Variants in ADGRL3 observed in about 807,000 individuals in gnomAD.
ADGRL3 encodes the protein calcium-independent alpha-latrotoxin receptor 3.
ADGRL3 carries 62 observed loss-of-function variants against 153.5 expected under a neutral mutation model. The observed-to-expected ratio is 0.40, with a 90% CI of 0.33 to 0.50. ADGRL3 has a LOEUF of 0.50. ADGRL3 is among the 20% of genes least tolerant of loss of function. The pLI, the probability that ADGRL3 is intolerant of heterozygous loss-of-function variation, is 0.47. For missense variants in ADGRL3, 1,641 were observed against 1,859.4 expected (o/e 0.88, Z 2.16); for synonymous variants, 710 against 672.5 (o/e 1.06, Z -0.86).
At chr4:61,476,930 C>A (rs950259548) in intron 2 of ADGRL3, among the ~76,000 whole-genome samples, 46 of 151,546 alleles carry the variant, frequency 3.0e-4, no homozygotes, top group Non-Finnish European at 5.0e-4. Flanking sequence ...TATTTTATTT[C>A]TTTACTTATT....
chr4:61,541,873 A>ACG (rs1227493797), intron 4 of ADGRL3, among the ~76,000 whole-genome samples: 2 of 150,710 alleles, frequency 1.3e-5, no homozygotes, highest in African/African-American at 4.9e-5. Context: ...ACACACACAC[A>ACG]CACTAGTATT....
At chr4:61,751,648 A>T (rs1234197588) in intron 8 of ADGRL3, among the ~76,000 whole-genome samples, 1 of 152,200 alleles carries the variant, frequency 6.6e-6, no homozygotes, top group Non-Finnish European at 1.5e-5. Context: ...GAGGATTAGT[A>T]AGATTAGTTA....
chr4:61,516,396 T>C (rs2098495459), intron 3 of ADGRL3, among the ~76,000 whole-genome samples: 1 of 152,094 alleles, frequency 6.6e-6, no homozygotes, highest in South Asian at 2.1e-4. Context: ...AAAATCTTTT[T>C]CTTTGTAAAA....
chr4:61,426,373 T>A (rs1299158650), intron 2 of ADGRL3, among the ~76,000 whole-genome samples: 1 of 152,206 alleles, frequency 6.6e-6, no homozygotes. Flanking sequence ...AGTACTAGGC[T>A]GGACCGCAAC....
At chr4:61,551,396 A>C (rs1480020330) in intron 4 of ADGRL3, among the ~76,000 whole-genome samples, 1 of 152,130 alleles carries the variant, frequency 6.6e-6, no homozygotes, top group Non-Finnish European at 1.5e-5. Context: ...AAGTCATGAC[A>C]CTGTGGGTAT....
chr4:61,384,832 G>A (rs1321672453), intron 2 of ADGRL3, among the ~76,000 whole-genome samples: 3 of 151,800 alleles, frequency 2.0e-5, no homozygotes, highest in Non-Finnish European at 4.4e-5. Context: ...ACACACAAAA[G>A]GCCAAACATA....
chr4:61,465,053 C>G (rs1404031374), intron 2 of ADGRL3, among the ~76,000 whole-genome samples: 1 of 152,028 alleles, frequency 6.6e-6, no homozygotes, highest in Non-Finnish European at 1.5e-5. Flanking sequence ...CCACGGGATC[C>G]TGATGTCAGA....
At chr4:61,742,411 T>TG (rs1276590917) in intron 8 of ADGRL3, among the ~76,000 whole-genome samples, 1 of 152,058 alleles carries the variant, frequency 6.6e-6, no homozygotes, top group Non-Finnish European at 1.5e-5. Flanking sequence ...CCCGAGTAGC[T>TG]GGGACTACAG....
At chr4:61,857,264 G>GT (rs1478756110) in intron 9 of ADGRL3, among the ~76,000 whole-genome samples, 1 of 151,824 alleles carries the variant, frequency 6.6e-6, no homozygotes, top group African/African-American at 2.4e-5. Flanking sequence ...TGGGAGTAGA[G>GT]TATCTACAGG....
intron 9 of ADGRL3, among the ~76,000 whole-genome samples, chr4:61,828,194 A>G (rs1351494408): frequency 6.6e-6 from 1 of 152,146 alleles, no homozygotes; most frequent in South Asian, 2.1e-4. Context: ...CACAAATTTG[A>G]ATAATTGTAG....
chr4:61,353,835 G>T (rs1046933659), intron 1 of ADGRL3, among the ~76,000 whole-genome samples: 3 of 151,786 alleles, frequency 2.0e-5, no homozygotes, highest in Non-Finnish European at 4.4e-5. Flanking sequence ...TAGATGATGG[G>T]CATAAATATG....
intron 2 of ADGRL3, among the ~76,000 whole-genome samples, chr4:61,393,544 A>T (rs1044886849): frequency 2.9e-4 from 44 of 152,078 alleles, no homozygotes; most frequent in African/African-American, 1.1e-3. Flanking sequence ...AGAATTTAAA[A>T]TGTCAATAAT....
At chr4:61,696,618 C>A (rs1413342393) in intron 6 of ADGRL3, among the ~76,000 whole-genome samples, 1 of 149,844 alleles carries the variant, frequency 6.7e-6, no homozygotes, top group Non-Finnish European at 1.5e-5. Flanking sequence ...TTACTGAATG[C>A]CTTCTATATG....
At chr4:61,360,531 G>A (rs2096266993) in intron 1 of ADGRL3, among the ~76,000 whole-genome samples, 1 of 152,120 alleles carries the variant, frequency 6.6e-6, no homozygotes, top group African/African-American at 2.4e-5. Context: ...TGGTAAACAT[G>A]AGGATATGTT....
At chr4:61,990,364 G>T (rs983854997) in intron 19 of ADGRL3, among the ~76,000 whole-genome samples, 6 of 151,956 alleles carry the variant, frequency 3.9e-5, no homozygotes, top group Non-Finnish European at 8.8e-5. Context: ...TATAGTGGTT[G>T]CTAAGATTGG....
intron 8 of ADGRL3, among the ~76,000 whole-genome samples, chr4:61,771,755 TC>T (rs559579345): frequency 8.4e-4 from 121 of 144,088 alleles, no homozygotes; most frequent in African/African-American, 2.9e-3. Context: ...GGGTATCTAT[TC>T]CATGTGACTC....
At chr4:61,481,686 A>G (rs980525963) in intron 2 of ADGRL3, among the ~76,000 whole-genome samples, 4 of 152,054 alleles carry the variant, frequency 2.6e-5, no homozygotes, top group Non-Finnish European at 5.9e-5. Flanking sequence ...AAAATCACAT[A>G]TTAGAATATA....
intron 2 of ADGRL3, among the ~76,000 whole-genome samples, chr4:61,446,948 C>G (rs2097590269): frequency 6.6e-6 from 1 of 152,072 alleles, no homozygotes; most frequent in South Asian, 2.1e-4. Flanking sequence ...CTGTCTAACC[C>G]CCTACTTGTA....
chr4:61,253,940 G>A (rs191283866), intron 1 of ADGRL3, among the ~76,000 whole-genome samples: 63 of 152,190 alleles, frequency 4.1e-4, no homozygotes, highest in Non-Finnish European at 6.8e-4. Flanking sequence ...TGTGAACCAC[G>A]ATTATTTTTT....
Sources: allele counts gnomAD v4.1 joint callset (sites outside exome capture counted in the v4.1 genomes callset), GRCh38; gene constraint gnomAD v4.1.1; transcripts MANE v1.5; gene names NCBI Gene and HGNC (gene_info 2026-07-23, HGNC 2026-07-21).